Variants in FCGR1A observed in about 807,000 individuals in gnomAD.
FCGR1A encodes the protein high affinity immunoglobulin gamma Fc receptor I.
Under a neutral mutation model 35.0 loss-of-function variants are expected in FCGR1A, and 13 were observed. That is an observed-to-expected ratio of 0.37 (90% CI 0.24 to 0.59). The LOEUF (loss-of-function observed/expected upper bound fraction) is 0.59, where lower values mean the gene tolerates loss of function less well. Among genes scored for constraint, FCGR1A ranks in the 20% least tolerant of loss-of-function variants. FCGR1A has a pLI of 0.71. For missense variants in FCGR1A, 227 were observed against 430.0 expected (o/e 0.53, Z 4.17); for synonymous variants, 91 against 164.7 (o/e 0.55, Z 3.43).
intron 4 of FCGR1A, 123 bp downstream of exon 4, chr1:149,788,740 T>C (rs587730127): frequency 6.2e-6 from 7 of 1,133,540 alleles, no homozygotes; most frequent in South Asian, 4.5e-5. Flanking sequence ...GTAAACTGCA[T>C]TACTAAAGGC....
At chr1:149,785,189 T>C (rs1553750671) in intron 3 of FCGR1A, among the ~76,000 whole-genome samples, 1 of 152,170 alleles carries the variant, frequency 6.6e-6, no homozygotes, top group African/African-American at 2.4e-5. Flanking sequence ...TCAGAAGTGA[T>C]GAGTTTAAAC....
Position 149,789,574 on chromosome 1 carries a change from G to A in FCGR1A, c.560-480G>A, listed in dbSNP as rs189516250. 9.9e-5 allele frequency among the ~76,000 whole-genome samples: 15 copies of A among 152,264 alleles called. No individual in the cohort carries two copies. The East Asian group carries it at 1.2e-3, about 12-fold the overall frequency. The stretch of plus-strand genomic sequence containing the variant: ...AGGGGTTCCCAACCCTTACTGGTCC[G>A]TGGCCTGTTAGGAACTGGGCTGCAC... On this transcript the variant is annotated intron_variant, in intron 4 of 5. Transcript: ENST00000369168.
At chr1:149,792,570 G>C (rs1394965334), downstream of FCGR1A, 1 of 1,187,456 alleles carries the variant, frequency 8.4e-7, no homozygotes, top group Non-Finnish European at 1.1e-6. Context: ...TGATGGGATG[G>C]GGCGTCGCGC....
At chr1:149,796,806 G>C in the FCGR1A span, among the ~76,000 whole-genome samples, 3 of 152,142 alleles carry the variant, frequency 2.0e-5, no homozygotes, top group Non-Finnish European at 4.4e-5. Flanking sequence ...CATAATATCT[G>C]TTGTCATTGC....
downstream of FCGR1A, chr1:149,793,237 A>AGGC (rs1559749515): frequency 9.5e-6 from 12 of 1,258,876 alleles, no homozygotes; most frequent in East Asian, 7.2e-5. Flanking sequence ...GAGCAGCCGG[A>AGGC]GGCGGCGGCG....
rs2091604961 is a variant in FCGR1A, at chr1:149,788,314, C to T, written c.308-52C>T. 30 of 1,611,172 alleles carry T rather than the reference C, an allele frequency of 1.9e-5. No homozygotes were observed. In the South Asian group the frequency reaches 2.5e-4, roughly 14 times the overall value. On this transcript the variant is annotated intron_variant, in intron 3 of 5. Coordinates refer to ENST00000369168, the MANE Select transcript of FCGR1A (RefSeq NM_000566.4). ...GAAGCCCACAGGGCCAAGCTTGGGCCTCCTTGTACCTCCTCCACTGTATAC... is the reference window on the plus strand; with the variant it reads ...GAAGCCCACAGGGCCAAGCTTGGGCTTCCTTGTACCTCCTCCACTGTATAC...
At chr1:149,797,073 C>T in the FCGR1A span, among the ~76,000 whole-genome samples, 7 of 152,126 alleles carry the variant, frequency 4.6e-5, 1 homozygote, top group Admixed American at 3.3e-4. Flanking sequence ...CCACCACACC[C>T]GGCTAATTTT....
chr1:149,800,398 C>T, the FCGR1A span, among the ~76,000 whole-genome samples: 8,525 of 150,592 alleles, frequency 0.057, 323 homozygotes, highest in Non-Finnish European at 0.086. Context: ...CTCCCCTCCC[C>T]GGAAGTTGGA....
chr1:149,786,563 T>A (rs2091555581), intron 3 of FCGR1A: 1 of 152,154 alleles, frequency 6.6e-6, no homozygotes, highest in Non-Finnish European at 1.5e-5. Flanking sequence ...TTCAATTTAA[T>A]CAGTATATGC....
the FCGR1A span, among the ~76,000 whole-genome samples, chr1:149,797,711 C>T: frequency 6.6e-6 from 1 of 152,172 alleles, no homozygotes; most frequent in East Asian, 1.9e-4. Context: ...GATCCTCCTG[C>T]CTCGGCCTCC....
At chr1:149,793,040 G>C, downstream of FCGR1A, 1 of 1,262,214 alleles carries the variant, frequency 7.9e-7, no homozygotes, top group Non-Finnish European at 1.0e-6. Context: ...GCCAGCTCCC[G>C]GGCCCCGGCG....
downstream of FCGR1A, chr1:149,793,191 T>C (rs782408365): frequency 5.5e-6 from 7 of 1,277,648 alleles, no homozygotes; most frequent in South Asian, 7.5e-5. Flanking sequence ...GGCGCTGGGC[T>C]CCCAGCAGGC....
At chr1:149,788,151 G>T in intron 3 of FCGR1A, 1 of 718,950 alleles carries the variant, frequency 1.4e-6, no homozygotes, top group Non-Finnish European at 2.3e-6. Flanking sequence ...GGAAAGGGAA[G>T]ATAAGAAAGG....
At chr1:149,793,047 G>A, downstream of FCGR1A, 4 of 1,261,324 alleles carry the variant, frequency 3.2e-6, no homozygotes, top group South Asian at 5.1e-5. Context: ...CCCGGGCCCC[G>A]GCGCGGCGCC....
chr1:149,798,481 G>T, the FCGR1A span, among the ~76,000 whole-genome samples: 6 of 152,090 alleles, frequency 3.9e-5, no homozygotes, highest in Admixed American at 3.9e-4. Context: ...CACTGTGATT[G>T]TTGACTTATA....
At chr1:149,792,606 C>A (rs1201907905), downstream of FCGR1A, 23 of 1,210,498 alleles carry the variant, frequency 1.9e-5, no homozygotes, top group Non-Finnish European at 2.3e-5. Flanking sequence ...CGGCGGGCCC[C>A]TGGCGCCACA....
downstream of FCGR1A, chr1:149,793,224 C>T (rs1553752418): frequency 7.9e-7 from 1 of 1,265,368 alleles, no homozygotes; most frequent in Admixed American, 2.4e-5. Flanking sequence ...TGGCTTGTCG[C>T]AAGAGCAGCC....
chr1:149,799,351 G>C, the FCGR1A span, among the ~76,000 whole-genome samples: 1 of 152,198 alleles, frequency 6.6e-6, no homozygotes, highest in Non-Finnish European at 1.5e-5. Context: ...AATGTGTTTA[G>C]AAATTTCTCT....
At position 149,785,419 on chromosome 1, in the gene FCGR1A, T is replaced by G. The variant is rs1469079502; in HGVS notation, c.307+1162T>G. ...GACAGAGCTGTTTCGTTTTTTTTTT[T>G]TTTTTTTTTTTTTTTGAGACAGAGT... On this transcript the variant is annotated intron_variant, in intron 3 of 5. Transcript: ENST00000369168. Among the ~76,000 whole-genome samples the G allele has an allele frequency of 3.7e-5, 5 of 134,608 alleles. 1 individual carries two copies. The highest frequency in any genetic ancestry group is 2.4e-4 in the South Asian group (1 of 4,112). 88.3% of individuals were successfully genotyped at this position (134,608 alleles called of 152,430 possible). A position where few individuals can be genotyped will look rare whatever the true frequency, so the allele number is the denominator to read the frequency against.
Sources: gnomAD v4.1 joint callset for allele counts (sites outside exome capture counted in the v4.1 genomes callset) on GRCh38, gnomAD v4.1.1 for gene constraint, MANE v1.5 for transcripts, NCBI Gene and HGNC (gene_info 2026-07-23, HGNC 2026-07-21) for gene names.